Variants in PCDHGA12 observed in about 807,000 individuals in gnomAD.
PCDHGA12 encodes protocadherin gamma-A12.
Under a neutral mutation model 61.1 loss-of-function variants are expected in PCDHGA12, and 43 were observed. That is an observed-to-expected ratio of 0.70 (90% CI 0.55 to 0.91). The LOEUF (loss-of-function observed/expected upper bound fraction) is 0.91, where lower values mean the gene tolerates loss of function less well. Among genes scored for constraint, PCDHGA12 ranks in the 40% least tolerant of loss-of-function variants. The pLI is 0.00. For synonymous variants in PCDHGA12, 520 were observed against 542.9 expected (o/e 0.96, Z 0.59); for missense variants, 1,236 against 1,227.7 (o/e 1.01, Z -0.10).
rs149314216 is a variant in PCDHGA12, at chr5:141,487,041, G to A, written c.2425-7766G>A. 2.1e-3 allele frequency: 3,442 copies of A among 1,614,128 alleles called. 3 individuals carry two copies. Among genetic ancestry groups the A allele is most frequent in the Non-Finnish European group, 2.7e-3 (3,235 of 1,180,026 alleles). ...GATCCCAGCCTGTTTGCAGTCTCTC[G>A]ATATGCTGGGGAGGTGCGGACGGCT... On this transcript the variant is annotated intron_variant, in intron 1 of 3. Transcript: ENST00000252085. The surrounding 1 kb of genome is among the most constrained non-coding windows in gnomAD (Gnocchi z 5.0).
At position 141,490,003 on chromosome 5, in the gene PCDHGA12, G is replaced by A. The variant is rs2099694760; in HGVS notation, c.2425-4804G>A. On this transcript the variant is annotated intron_variant, in intron 1 of 3. Transcript: ENST00000252085. This position sits in a 1 kb window ranked among gnomAD's most constrained non-coding sequence, Gnocchi z 5.4. ...TCTACGTGTGGGAATCCCAGAGAAT[G>A]CACCCATTGGTACTCTGCTGCTCCG... 6.2e-7 allele frequency: 1 copy of A among 1,614,204 alleles called. No homozygotes were observed. Among genetic ancestry groups the A allele is most frequent in the Non-Finnish European group, 8.5e-7 (1 of 1,180,008 alleles).
intron 2 of PCDHGA12, among the ~76,000 whole-genome samples, chr5:141,497,894 A>AG (rs1562181617): frequency 2.0e-5 from 3 of 152,186 alleles, no homozygotes; most frequent in Admixed American, 6.5e-5. Context: ...GATCTAGTCC[A>AG]GTAACTTCAA....
intron 2 of PCDHGA12, among the ~76,000 whole-genome samples, chr5:141,504,268 T>A (rs539485141): frequency 2.2e-4 from 34 of 152,348 alleles, no homozygotes; most frequent in Admixed American, 1.3e-3. Context: ...AGTATTTTTT[T>A]AAATTATGAA....
intron 1 of PCDHGA12, among the ~76,000 whole-genome samples, chr5:141,456,679 T>C (rs1357662868): frequency 2.0e-5 from 3 of 152,104 alleles, no homozygotes; most frequent in Non-Finnish European, 2.9e-5. Flanking sequence ...AAAAATGCAT[T>C]ACTGGCCAGG....
intron 1 of PCDHGA12, among the ~76,000 whole-genome samples, chr5:141,460,620 C>G (rs185269852): frequency 5.6e-4 from 85 of 151,856 alleles, no homozygotes; most frequent in African/African-American, 1.9e-3. Context: ...GATAGATAGA[C>G]AGATACAGAT....
Position 141,511,315 on chromosome 5 carries a change from G to A in PCDHGA12, c.*142G>A. ...AAGGCCATGCTCCCCTTGGGAAACA[G>A]AAACAAGTGCCCAGTCAGCACCTAC... On this transcript the variant is annotated 3_prime_UTR_variant, in exon 4 of 4. Coordinates refer to ENST00000252085, the MANE Select transcript of PCDHGA12 (RefSeq NM_003735.3). 6.8e-7 allele frequency: 1 copy of A among 1,481,384 alleles called. No individual in the cohort carries two copies. Among genetic ancestry groups the A allele is most frequent in the Non-Finnish European group, 9.0e-7 (1 of 1,110,974 alleles). 91.8% of individuals were successfully genotyped at this position (1,481,384 alleles called of 1,614,324 possible).
intron 2 of PCDHGA12, among the ~76,000 whole-genome samples, chr5:141,495,175 C>A (rs1337353259): frequency 6.6e-6 from 1 of 152,300 alleles, no homozygotes; most frequent in Middle Eastern, 3.4e-3. Flanking sequence ...TGGGTGAAAG[C>A]GAGGCTTTCT....
At chr5:141,441,736 T>C in intron 1 of PCDHGA12, 1 of 365,328 alleles carries the variant, frequency 2.7e-6, no homozygotes. Flanking sequence ...CAGGACTAGC[T>C]CGCGCTCGGC....
intron 1 of PCDHGA12, chr5:141,492,018 G>A: frequency 1.7e-6 from 1 of 585,594 alleles, no homozygotes; most frequent in Admixed American, 3.7e-5. Flanking sequence ...GGGTGTCGGG[G>A]GTCCCGGGAG....
At chr5:141,475,684 T>C (rs2099367059) in intron 1 of PCDHGA12, among the ~76,000 whole-genome samples, 1 of 152,228 alleles carries the variant, frequency 6.6e-6, no homozygotes, top group African/African-American at 2.4e-5. Context: ...TTGATTTGGA[T>C]TGGAGACTTG....
Position 141,491,897 on chromosome 5 carries a change from C to G in PCDHGA12, c.2425-2910C>G. The stretch of plus-strand genomic sequence containing the variant: ...GATTAAGGGATGGGGCTCCGAGCAC[C>G]GGGGGTGGTGGCGACTGTGGGCGAG... On this transcript the variant is annotated intron_variant, in intron 1 of 3. Transcript: ENST00000252085. This position sits in a 1 kb window ranked among gnomAD's most constrained non-coding sequence, Gnocchi z 6.9. 7 of 1,432,534 alleles carry G rather than the reference C, an allele frequency of 4.9e-6. No homozygotes were observed. The highest frequency in any genetic ancestry group is 6.5e-6 in the Non-Finnish European group (7 of 1,082,898). 88.7% of individuals were successfully genotyped at this position (1,432,534 alleles called of 1,614,324 possible).
Position 141,441,798 on chromosome 5 carries a change from CGGGT to C in PCDHGA12, c.2424+8617_2424+8620del, listed in dbSNP as rs1242635625. 6.4e-4 allele frequency: 248 copies of C among 387,326 alleles called. 2 individuals are homozygous for C. The highest frequency in any genetic ancestry group is 4.8e-3 in the African/African-American group (220 of 46,120). 24.0% of individuals were successfully genotyped at this position (387,326 alleles called of 1,614,324 possible). A position where few individuals can be genotyped will look rare whatever the true frequency, so the allele number is the denominator to read the frequency against. ...GGACGACCTGAATGACAACGCACCG[CGGGT>C]GCTGTACCCCAGCTCTGGAGCGCAA... On this transcript the variant is annotated intron_variant, in intron 1 of 3. Transcript: ENST00000252085.
At position 141,487,344 on chromosome 5, in the gene PCDHGA12, C is replaced by T. The variant is rs1232854025; in HGVS notation, c.2425-7463C>T. On this transcript the variant is annotated intron_variant, in intron 1 of 3. Coordinates refer to ENST00000252085, the MANE Select transcript of PCDHGA12 (RefSeq NM_003735.3). This position sits in a 1 kb window ranked among gnomAD's most constrained non-coding sequence, Gnocchi z 5.0. ...CTTCGTGGGGCAGCCTGTGGAGTCA[C>T]ATGCTTTCCTGCTGGCACCTGTGCC... 3 of 1,614,208 alleles carry T rather than the reference C, an allele frequency of 1.9e-6. No individual in the cohort carries two copies. The highest frequency in any genetic ancestry group is 3.3e-5 in the Admixed American group (2 of 60,024).
At chr5:141,502,030 C>T (rs1031787021) in intron 2 of PCDHGA12, among the ~76,000 whole-genome samples, 4 of 152,180 alleles carry the variant, frequency 2.6e-5, no homozygotes, top group Non-Finnish European at 4.4e-5. Flanking sequence ...CAACCCCCGC[C>T]GCTTGCCTGC....
In PCDHGA12 at chr5:141,487,476, A is replaced by G; in HGVS notation, c.2425-7331A>G. Reference sequence around the variant, plus strand: ...ATCAAGTTTGTTGATGTGGGAGGCCACTCTCATGGCTGTACACCCTTGGCT... The same window carrying G: ...ATCAAGTTTGTTGATGTGGGAGGCCGCTCTCATGGCTGTACACCCTTGGCT... On this transcript the variant is annotated intron_variant, in intron 1 of 3. Transcript: ENST00000252085. The surrounding 1 kb of genome is among the most constrained non-coding windows in gnomAD (Gnocchi z 5.0). The G allele has an allele frequency of 6.2e-7, 1 of 1,614,004 alleles. No homozygotes were observed. Among genetic ancestry groups the G allele is most frequent in the Non-Finnish European group, 8.5e-7 (1 of 1,180,002 alleles).
chr5:141,444,363 G>A (rs1292799006), intron 1 of PCDHGA12, among the ~76,000 whole-genome samples: 1 of 151,772 alleles, frequency 6.6e-6, no homozygotes, highest in Non-Finnish European at 1.5e-5. Context: ...TAGAGACGGG[G>A]TTTCTCCATG....
intron 1 of PCDHGA12, among the ~76,000 whole-genome samples, chr5:141,435,921 C>T (rs767290430): frequency 1.3e-5 from 2 of 152,186 alleles, no homozygotes; most frequent in Admixed American, 6.5e-5. Context: ...CTCTAAAATG[C>T]GGCAGTTGCT....
In PCDHGA12 at chr5:141,439,231, T is replaced by C. The variant is rs545867747; in HGVS notation, c.2424+6048T>C. 2.0e-5 allele frequency among the ~76,000 whole-genome samples: 3 copies of C among 151,650 alleles called. No individual in the cohort carries two copies. In the East Asian group the frequency reaches 5.8e-4, roughly 29 times the overall value. On this transcript the variant is annotated intron_variant, in intron 1 of 3. Coordinates refer to ENST00000252085, the MANE Select transcript of PCDHGA12 (RefSeq NM_003735.3). ...TCCATATGTGAAAATTCTTAGAAGC[T>C]TCCTATACAATTTCAGCTGAAGATT...
In PCDHGA12 at chr5:141,492,000, A is replaced by G; in HGVS notation, c.2425-2807A>G. On this transcript the variant is annotated intron_variant, in intron 1 of 3. Transcript: ENST00000252085. The surrounding 1 kb of genome is among the most constrained non-coding windows in gnomAD (Gnocchi z 6.9). Reference sequence around the variant, plus strand: ...TCGAGCTTCCGGTGAATTTCGGGCGATTTCCGCGGGTGTCGGGGGTCCCGG... The same window carrying G: ...TCGAGCTTCCGGTGAATTTCGGGCGGTTTCCGCGGGTGTCGGGGGTCCCGG... 1 of 659,856 alleles carries G rather than the reference A, an allele frequency of 1.5e-6. No homozygotes were observed. The highest frequency in any genetic ancestry group is 3.1e-5 in the South Asian group (1 of 32,438). 40.9% of individuals were successfully genotyped at this position (659,856 alleles called of 1,614,324 possible).
Sources: allele counts gnomAD v4.1 joint callset (sites outside exome capture counted in the v4.1 genomes callset), GRCh38; gene constraint gnomAD v4.1.1; non-coding constraint Gnocchi (gnomAD v3.1); transcripts MANE v1.5; gene names NCBI Gene and HGNC (gene_info 2026-07-23, HGNC 2026-07-21).